SLC7A7: variants seen among roughly 807,000 people sequenced by gnomAD.
SLC7A7 encodes the protein Y+L amino acid transporter 1.
A neutral mutation model predicts 47.9 loss-of-function variants in SLC7A7; 39 were observed. The ratio of observed to expected loss-of-function variants is 0.81; its 90% CI spans 0.63 to 1.06. SLC7A7 has a LOEUF of 1.06. Among genes scored for constraint, SLC7A7 ranks in the 50% least tolerant of loss-of-function variants. The pLI, the probability that SLC7A7 is intolerant of heterozygous loss-of-function variation, is 0.00. For synonymous variants in SLC7A7, 234 were observed against 242.8 expected, an observed-to-expected ratio of 0.96 and a Z score of 0.34; for missense variants, 588 against 632.0, an observed-to-expected ratio of 0.93 and a Z score of 0.75.
upstream of SLC7A7, chr14:22,815,507 T>G (rs2039393646): frequency 2.2e-6 from 1 of 452,418 alleles, no homozygotes; most frequent in Admixed American, 2.4e-5. Flanking sequence ...AAGGAAGGAG[T>G]GAGGGAGGGG....
rs149344825 is a variant in SLC7A7, at chr14:22,785,556, C to T, written c.500-5505G>A. On this transcript the variant is annotated intron_variant, in intron 2 of 9. Coordinates refer to ENST00000674313, the MANE Select transcript of SLC7A7 (RefSeq NM_003982.4). ...CAGCCTGACCAACATGGAGAAACTCCGTCTCTACTAAAAATACAAAAATTG... is the reference window on the plus strand; with the variant it reads ...CAGCCTGACCAACATGGAGAAACTCTGTCTCTACTAAAAATACAAAAATTG... Among the ~76,000 whole-genome samples the T allele has an allele frequency of 8.3e-3, 1,258 of 151,384 alleles. 17 individuals carry two copies. Among genetic ancestry groups the T allele is most frequent in the African/African-American group, 0.029 (1,186 of 41,210 alleles).
chr14:22,818,482 G>A (rs1033205908), upstream of SLC7A7, among the ~76,000 whole-genome samples: 2 of 152,106 alleles, frequency 1.3e-5, no homozygotes, highest in East Asian at 3.9e-4. Flanking sequence ...TGGGTCTTAG[G>A]GTAATGCTTC....
intron 4 of SLC7A7, among the ~76,000 whole-genome samples, chr14:22,778,537 A>G (rs1429863378): frequency 1.3e-5 from 2 of 151,576 alleles, no homozygotes; most frequent in Non-Finnish European, 2.9e-5. Context: ...AACCTGCTTT[A>G]ATTAATGCAG....
rs2139382220 is a variant in SLC7A7 at position 22,773,693 on chromosome 14, C to T, written c.1453G>A (p.Val485Ile). 1 of 1,614,138 alleles carries T rather than the reference C, an allele frequency of 6.2e-7. No individual in the cohort carries two copies. Among genetic ancestry groups the T allele is most frequent in the Non-Finnish European group, 8.5e-7 (1 of 1,180,038 alleles). ...IVGSATRYLQ[V>I]LCMSVAAEMD... ...TCTGCAGCAACTGACATACACAGGA[C>T]CTGGAGGTACCTTGTGGCAGACCCT... The change falls in exon 10 of 10, where the codon GTC becomes ATC. Residue 485 changes from valine (V) to isoleucine (I), a missense_variant. Physicochemically the swap from Val to Ile is conservative, Grantham distance 29 (BLOSUM62 3). Transcript: ENST00000674313.
At chr14:22,792,918 TC>T (rs1426262392) in intron 2 of SLC7A7, among the ~76,000 whole-genome samples, 13 of 145,216 alleles carry the variant, frequency 9.0e-5, no homozygotes, top group African/African-American at 1.5e-4. Flanking sequence ...AAGAAAAATA[TC>T]TTTTTTTTTT....
At chr14:22,774,268 T>G (rs1184149159) in intron 8 of SLC7A7, 86 bp downstream of exon 8, 15 of 1,609,216 alleles carry the variant, frequency 9.3e-6, no homozygotes, top group Non-Finnish European at 1.2e-5. Flanking sequence ...GGCAAAGGTT[T>G]CTAAATAAAG....
rs2039354818 is a variant in SLC7A7 at position 22,813,406 on chromosome 14, G to A, written c.-8C>T. 1 of 1,609,708 alleles carries A rather than the reference G, an allele frequency of 6.2e-7. No individual in the cohort carries two copies. The highest frequency in any genetic ancestry group is 1.7e-5 in the Admixed American group (1 of 60,002). ...CTCAGTGCTGTCAACCATGGTGGAG[G>A]AGAGGAAACCCTTCACCAGCTTCCT... On this transcript the variant is annotated 5_prime_UTR_variant, in exon 2 of 10. Coordinates refer to ENST00000674313, the MANE Select transcript of SLC7A7 (RefSeq NM_003982.4).
At chr14:22,780,207 C>T in intron 2 of SLC7A7, 156 bp from the exon 3 acceptor site, 1 of 855,460 alleles carries the variant, frequency 1.2e-6, no homozygotes, top group Admixed American at 2.3e-5. Flanking sequence ...CTCGGGGCCC[C>T]AGAATGTCCT....
chr14:22,815,982 T>TG (rs1727609988), upstream of SLC7A7: 2 of 263,652 alleles, frequency 7.6e-6, no homozygotes, highest in Non-Finnish European at 1.5e-5. Context: ...AAAGAGAGAC[T>TG]GGGGGGTTGC....
chr14:22,814,864 C>T (rs2039381716), intron 1 of SLC7A7: 1 of 172,964 alleles, frequency 5.8e-6, no homozygotes, highest in African/African-American at 2.4e-5. Context: ...CTGGCAAAGC[C>T]CAAGTAGACC....
chr14:22,775,457 G>C lies in SLC7A7; in HGVS notation c.1082C>G (p.Ser361Cys). 1 of 1,613,906 alleles carries C rather than the reference G, an allele frequency of 6.2e-7. No individual in the cohort carries two copies. The highest frequency in any genetic ancestry group is 8.5e-7 in the Non-Finnish European group (1 of 1,179,778). ...GAGTTCACTTACATTGAAGAGCAGA[G>C]AAGGCACTGGTGTGAACCGCTCAAC... ...IHVERFTPVPSLLFNGIMALI... is the reference protein window; with the variant it reads ...IHVERFTPVPCLLFNGIMALI... The change falls in exon 7 of 10, where the codon TCT becomes TGT. Residue 361 changes from serine (S) to cysteine (C), a missense_variant. Physicochemically the swap from Ser to Cys is moderately radical, Grantham distance 112 (BLOSUM62 -1). Transcript: ENST00000674313.
chr14:22,798,029 C>T (rs2039047768), intron 2 of SLC7A7, among the ~76,000 whole-genome samples: 1 of 152,182 alleles, frequency 6.6e-6, no homozygotes, highest in Non-Finnish European at 1.5e-5. Context: ...GGCACGGTGG[C>T]TCATGCCTGT....
At position 22,775,857 on chromosome 14, in the gene SLC7A7, T is replaced by C. The variant is rs758598526; in HGVS notation, c.974A>G (p.Asn325Ser). 5.6e-6 allele frequency: 9 copies of C among 1,614,102 alleles called. No homozygotes were observed. The highest frequency in any genetic ancestry group is 2.2e-5 in the East Asian group (1 of 44,890). Residue 325 changes from asparagine (N) to serine (S), a missense_variant, in exon 6 of 10, where the codon AAT becomes AGT. Physicochemically the swap from Asn to Ser is conservative, Grantham distance 46. Transcript: ENST00000674313. ...CCTAGAAGCAGCCACAATGGAGGCA[T>C]TGAGGCCACCAAAACAGGATAATGC... ...SVALSCFGGLNASIVAASRLF... is the reference protein window; with the variant it reads ...SVALSCFGGLSASIVAASRLF...
chr14:22,809,517 G>A (rs760729544), intron 2 of SLC7A7, among the ~76,000 whole-genome samples: 10 of 151,904 alleles, frequency 6.6e-5, no homozygotes, highest in African/African-American at 1.7e-4. Flanking sequence ...ATTTTTTTGC[G>A]TTTTTCATAG....
At chr14:22,808,033 A>G (rs2039242263) in intron 2 of SLC7A7, among the ~76,000 whole-genome samples, 2 of 152,026 alleles carry the variant, frequency 1.3e-5, no homozygotes, top group Non-Finnish European at 2.9e-5. Flanking sequence ...GTGGTGGTGC[A>G]CAGCTGTAAT....
chr14:22,797,515 G>A (rs1000783991), intron 2 of SLC7A7, among the ~76,000 whole-genome samples: 8 of 152,120 alleles, frequency 5.3e-5, no homozygotes, highest in Non-Finnish European at 1.0e-4. Context: ...ACTCAAAAGT[G>A]GACATTGACA....
At chr14:22,804,275 C>A (rs887823031) in intron 2 of SLC7A7, among the ~76,000 whole-genome samples, 16 of 152,092 alleles carry the variant, frequency 1.1e-4, no homozygotes, top group South Asian at 4.1e-4. Flanking sequence ...GGTTTTATAG[C>A]AATACCATTC....
At chr14:22,781,772 C>T (rs3901112) in intron 2 of SLC7A7, among the ~76,000 whole-genome samples, 136,855 of 152,170 alleles carry the variant, frequency 0.9, 61,791 homozygotes, top group East Asian at 1. Context: ...CTAGGCTCTG[C>T]GGCTGGCTCA....
chr14:22,775,762 T>C (rs1594944669), intron 6 of SLC7A7, 71 bp downstream of exon 6: 1 of 1,143,808 alleles, frequency 8.7e-7, no homozygotes, highest in Non-Finnish European at 1.3e-6. Context: ...AATCAAAGGC[T>C]GGGTCCTGTA....
Sources: allele counts gnomAD v4.1 joint callset (sites outside exome capture counted in the v4.1 genomes callset), GRCh38; gene constraint gnomAD v4.1.1; transcripts MANE v1.5; gene names NCBI Gene and HGNC (gene_info 2026-07-23, HGNC 2026-07-21).